Variants in TUFT1 observed in about 807,000 individuals in gnomAD.
TUFT1 encodes the protein tuftelin 1.
Under a neutral mutation model 57.8 loss-of-function variants are expected in TUFT1, and 43 were observed. The observed-to-expected ratio is 0.74, with a 90% CI of 0.58 to 0.96. The LOEUF is 0.96. Among genes scored for constraint, TUFT1 ranks in the 40% least tolerant of loss-of-function variants. TUFT1 has a pLI of 0.00. For missense variants in TUFT1, 459 were observed against 489.0 expected (o/e 0.94, Z 0.58); for synonymous variants, 166 against 176.7 (o/e 0.94, Z 0.48).
chr1:151,566,324 CT>C, intron 6 of TUFT1, 96 bp downstream of exon 6: 1 of 978,582 alleles, frequency 1.0e-6, no homozygotes, highest in Non-Finnish European at 1.6e-6. Context: ...CTCTCTCTCT[CT>C]CTCATTAAAT....
intron 6 of TUFT1, among the ~76,000 whole-genome samples, chr1:151,569,351 G>T (rs1571711209): frequency 6.6e-6 from 1 of 152,168 alleles, no homozygotes. Context: ...CCTACAGACA[G>T]CATCCACATA....
intron 8 of TUFT1, 145 bp downstream of exon 8, chr1:151,574,543 A>C: frequency 9.0e-7 from 1 of 1,112,686 alleles, no homozygotes; most frequent in Non-Finnish European, 1.3e-6. Flanking sequence ...GATCCCTTGG[A>C]ATACATTTTA....
At chr1:151,570,067 G>A (rs889980723) in intron 7 of TUFT1, among the ~76,000 whole-genome samples, 5 of 152,164 alleles carry the variant, frequency 3.3e-5, no homozygotes, top group African/African-American at 4.8e-5. Context: ...TGTCTGTGTC[G>A]TGGTAAGAAT....
At chr1:151,550,814 C>A (rs1457689497) in intron 1 of TUFT1, among the ~76,000 whole-genome samples, 2 of 152,198 alleles carry the variant, frequency 1.3e-5, no homozygotes, top group East Asian at 3.8e-4. Flanking sequence ...TGTAGTCCAG[C>A]TGCTTAGGAA....
intron 1 of TUFT1, among the ~76,000 whole-genome samples, chr1:151,559,373 G>T (rs1181102131): frequency 2.0e-5 from 3 of 152,228 alleles, no homozygotes; most frequent in African/African-American, 7.2e-5. Flanking sequence ...AGGGGAAGAT[G>T]TGTTTCCCAC....
chr1:151,575,659 G>A (rs1418822), intron 9 of TUFT1, among the ~76,000 whole-genome samples: 148,101 of 152,368 alleles, frequency 0.97, 72,120 homozygotes, highest in East Asian at 1. Context: ...GAATTTGGAA[G>A]TTATGCTGTT....
chr1:151,562,282 T>C, intron 2 of TUFT1, 117 bp downstream of exon 2: 1 of 888,836 alleles, frequency 1.1e-6, no homozygotes, highest in Non-Finnish European at 1.8e-6. Context: ...TGGGAGCCCC[T>C]CCTTTCAGCA....
chr1:151,553,177 C>T (rs559021571), intron 1 of TUFT1, among the ~76,000 whole-genome samples: 37 of 152,122 alleles, frequency 2.4e-4, no homozygotes, highest in Non-Finnish European at 5.0e-4. Flanking sequence ...CAGCAACCTC[C>T]ACCTCCCAGG....
At chr1:151,546,876 C>T (rs72692715) in intron 1 of TUFT1, among the ~76,000 whole-genome samples, 22,573 of 152,146 alleles carry the variant, frequency 0.15, 2,161 homozygotes, top group Non-Finnish European at 0.22. Flanking sequence ...TTTCATTTCT[C>T]TTGGAGAGGA....
intron 11 of TUFT1, 32 bp downstream of exon 11, chr1:151,579,764 A>G: frequency 6.2e-7 from 1 of 1,600,370 alleles, no homozygotes; most frequent in South Asian, 1.1e-5. Context: ...GCAGGGGAAC[A>G]GGACTCTTGA....
chr1:151,557,887 G>T (rs1430017910), intron 1 of TUFT1: 1 of 718,588 alleles, frequency 1.4e-6, no homozygotes, highest in South Asian at 1.4e-5. Context: ...GTCAGCAACC[G>T]AATTCCAGTT....
intron 1 of TUFT1, 112 bp downstream of exon 1, chr1:151,540,538 C>A: frequency 2.4e-6 from 3 of 1,250,208 alleles, no homozygotes; most frequent in Non-Finnish European, 3.5e-6. Context: ...CCGGCTCGCG[C>A]GGTCAGCCCT....
chr1:151,566,177 G>A lies in TUFT1; in HGVS notation c.429G>A (p.Lys143=), dbSNP rs1185034993. The A allele has an allele frequency of 3.1e-6, 5 of 1,610,534 alleles. No homozygotes were observed. The highest frequency in any genetic ancestry group is 1.1e-5 in the South Asian group (1 of 90,440). The change falls in exon 6 of 13, where the codon AAG becomes AAA. Residue 143 remains lysine, a synonymous_variant. Coordinates refer to ENST00000368849, the MANE Select transcript of TUFT1 (RefSeq NM_020127.3). ...TCTTTGAACAGGTGGTGCTAGAAAA[G>A]CCAAATGGCTTTAGTCAGAGTCCCA... ...HRQEIQVVLE[K]PNGFSQSPTA...
rs147839657 is a variant in TUFT1, at chr1:151,574,340, T to A, written c.665T>A (p.Val222Glu). 1.2e-6 allele frequency: 2 copies of A among 1,613,560 alleles called. No homozygotes were observed. Among genetic ancestry groups the A allele is most frequent in the Non-Finnish European group, 8.5e-7 (1 of 1,179,890 alleles). ...NVALQREEDR[V>E]EQKEAEVGEL... ...GCCCTTCAGAGAGAGGAGGACAGAG[T>A]GGAGCAGAAAGAGGCAGAAGTCGGA... is the stretch of plus-strand genomic sequence containing the variant. The change falls in exon 8 of 13, where the codon GTG becomes GAG. Residue 222 changes from valine (V) to glutamate (E), a missense_variant. Coordinates refer to ENST00000368849, the MANE Select transcript of TUFT1 (RefSeq NM_020127.3).
chr1:151,576,856 C>G (rs987441314), intron 9 of TUFT1, among the ~76,000 whole-genome samples: 5 of 152,162 alleles, frequency 3.3e-5, no homozygotes, highest in Admixed American at 2.6e-4. Flanking sequence ...AAATCCTGAC[C>G]TCAAGCAATC....
chr1:151,561,296 C>G (rs1012032021), intron 1 of TUFT1, among the ~76,000 whole-genome samples: 1 of 152,038 alleles, frequency 6.6e-6, no homozygotes, highest in Non-Finnish European at 1.5e-5. Context: ...CCGTGCCCGG[C>G]CTTTTTAAAA....
intron 3 of TUFT1, among the ~76,000 whole-genome samples, chr1:151,563,484 G>T (rs1057428278): frequency 5.9e-5 from 9 of 152,166 alleles, no homozygotes. Context: ...GTGCAGGTTT[G>T]TTTGTAGCCT....
chr1:151,569,949 T>G, intron 7 of TUFT1, 179 bp downstream of exon 7: 1 of 563,246 alleles, frequency 1.8e-6, no homozygotes, highest in Non-Finnish European at 3.2e-6. Flanking sequence ...TTACACTGTT[T>G]ACTGTCCAAG....
chr1:151,576,844 T>C (rs1363257313), intron 9 of TUFT1, among the ~76,000 whole-genome samples: 3 of 152,230 alleles, frequency 2.0e-5, no homozygotes, highest in Non-Finnish European at 4.4e-5. Flanking sequence ...AGGTTGGTCT[T>C]GAAATCCTGA....
Sources: allele counts gnomAD v4.1 joint callset (sites outside exome capture counted in the v4.1 genomes callset), GRCh38; gene constraint gnomAD v4.1.1; transcripts MANE v1.5; gene names NCBI Gene and HGNC (gene_info 2026-07-23, HGNC 2026-07-21).